CADM2: variants seen among roughly 807,000 people sequenced by gnomAD.
The protein encoded by CADM2 is immunoglobulin superfamily member 4D.
CADM2 carries 12 observed loss-of-function variants against 49.8 expected under a neutral mutation model. That is an observed-to-expected ratio of 0.24 (90% CI 0.15 to 0.39). The LOEUF (loss-of-function observed/expected upper bound fraction) is 0.39, where lower values mean the gene tolerates loss of function less well. Among genes scored for constraint, CADM2 ranks in the 10% least tolerant of loss-of-function variants. The pLI is 1.00. For synonymous variants in CADM2, 214 were observed against 175.4 expected (o/e 1.22, Z -1.74); for missense variants, 378 against 492.3 (o/e 0.77, Z 2.20).
At chr3:85,391,549 A>T (rs1054336321) in intron 1 of CADM2, among the ~76,000 whole-genome samples, 2 of 152,082 alleles carry the variant, frequency 1.3e-5, no homozygotes, top group Admixed American at 1.3e-4. Context: ...TTGCAAACTT[A>T]AAAACAACAA....
chr3:85,400,329 T>C (rs553431897), intron 1 of CADM2, among the ~76,000 whole-genome samples: 1 of 152,348 alleles, frequency 6.6e-6, no homozygotes, highest in African/African-American at 2.4e-5. Context: ...AGCTCTTTAA[T>C]GTGCTGCTGG....
rs573179918 is a variant in CADM2 at position 85,527,100 on chromosome 3, T to C, written c.62-199422T>C. 1.1e-4 allele frequency among the ~76,000 whole-genome samples: 17 copies of C among 152,240 alleles called. No homozygotes were observed. The South Asian group carries it at 3.5e-3, about 32-fold the overall frequency. On this transcript the variant is annotated intron_variant, in intron 1 of 9. Coordinates refer to ENST00000383699, the MANE Select transcript of CADM2 (RefSeq NM_001167675.2). ...TGTGCTAATTATATCTACAGTTCTA[T>C]AGAGGCCAGGCACGGTGTCTTACAC...
chr3:85,556,490 C>G (rs1484723156), intron 1 of CADM2, among the ~76,000 whole-genome samples: 2 of 152,192 alleles, frequency 1.3e-5, no homozygotes, highest in South Asian at 4.1e-4. Flanking sequence ...TCATAGTTTA[C>G]CTTAGATAAT....
intron 1 of CADM2, among the ~76,000 whole-genome samples, chr3:85,314,535 G>A (rs933506823): frequency 1.3e-5 from 2 of 151,444 alleles, no homozygotes; most frequent in Admixed American, 6.6e-5. Flanking sequence ...TTAAATCTCC[G>A]GTTATTATGG....
chr3:85,366,609 C>CT (rs1275876896), intron 1 of CADM2, among the ~76,000 whole-genome samples: 8 of 152,196 alleles, frequency 5.3e-5, no homozygotes, highest in African/African-American at 1.7e-4. Flanking sequence ...AAATAAGACT[C>CT]TAAGTGCTTG....
At chr3:85,596,047 A>C (rs1399287032) in intron 1 of CADM2, among the ~76,000 whole-genome samples, 1 of 151,922 alleles carries the variant, frequency 6.6e-6, no homozygotes, top group East Asian at 1.9e-4. Context: ...ATTAATTACT[A>C]TATGATTTAT....
intron 3 of CADM2, among the ~76,000 whole-genome samples, chr3:85,848,726 C>T (rs141442375): frequency 1.4e-4 from 22 of 152,026 alleles, no homozygotes; most frequent in African/African-American, 5.3e-4. Flanking sequence ...TTCCCTGAAC[C>T]CGAATTTAAG....
At chr3:85,434,344 T>G (rs1171659733) in intron 1 of CADM2, among the ~76,000 whole-genome samples, 3 of 151,958 alleles carry the variant, frequency 2.0e-5, no homozygotes, top group African/African-American at 7.2e-5. Context: ...CTTTTACATG[T>G]GAGAGCACCA....
At chr3:86,034,773 A>G (rs147268149) in intron 8 of CADM2, among the ~76,000 whole-genome samples, 1 of 152,196 alleles carries the variant, frequency 6.6e-6, no homozygotes, top group African/African-American at 2.4e-5. Context: ...AAACTCATTT[A>G]TGCTGCCCCA....
chr3:85,908,596 C>T lies in CADM2; in HGVS notation c.530-3777C>T, dbSNP rs141510039. ...AAATTTCTGACATATGCAAAGTAAG[C>T]ACAATAATAGAATGAGAAACTGCAT... On this transcript the variant is annotated intron_variant, in intron 5 of 9. Transcript: ENST00000383699. 3.7e-3 allele frequency among the ~76,000 whole-genome samples: 560 copies of T among 151,956 alleles called. 2 individuals are homozygous for T. Among genetic ancestry groups the T allele is most frequent in the African/African-American group, 0.013 (536 of 41,444 alleles).
At chr3:85,676,772 T>C (rs891437343) in intron 1 of CADM2, among the ~76,000 whole-genome samples, 2 of 152,166 alleles carry the variant, frequency 1.3e-5, no homozygotes, top group African/African-American at 4.8e-5. Flanking sequence ...ATCTTATCTC[T>C]CCATGTTAGA....
intron 1 of CADM2, among the ~76,000 whole-genome samples, chr3:85,568,433 T>C (rs200239870): frequency 0.042 from 825 of 19,704 alleles, 17 homozygotes; most frequent in East Asian, 0.11. Context: ...CTTTCTTTCT[T>C]TCTTTCTTTC....
intron 1 of CADM2, among the ~76,000 whole-genome samples, chr3:84,969,686 A>G (rs762000670): frequency 1.3e-4 from 20 of 152,066 alleles, no homozygotes; most frequent in Non-Finnish European, 2.8e-4. Context: ...TTTATATGTA[A>G]TACACAGGAA....
intron 1 of CADM2, among the ~76,000 whole-genome samples, chr3:85,089,012 A>G (rs1425943749): frequency 1.3e-5 from 2 of 152,082 alleles, no homozygotes; most frequent in Non-Finnish European, 2.9e-5. Context: ...TTTGCTGTTG[A>G]CTTTAAACAG....
intron 8 of CADM2, among the ~76,000 whole-genome samples, chr3:86,042,413 C>A (rs1224699011): frequency 1.3e-5 from 2 of 152,146 alleles, no homozygotes; most frequent in Non-Finnish European, 2.9e-5. Flanking sequence ...ACCGATCCCA[C>A]AGAAATACAA....
At chr3:85,511,302 G>A (rs934488781) in intron 1 of CADM2, among the ~76,000 whole-genome samples, 1 of 152,076 alleles carries the variant, frequency 6.6e-6, no homozygotes, top group African/African-American at 2.4e-5. Context: ...GGATAGAAGA[G>A]TAAAATGTGA....
chr3:85,807,262 G>A (rs889263530), intron 3 of CADM2, among the ~76,000 whole-genome samples: 1 of 152,154 alleles, frequency 6.6e-6, no homozygotes, highest in Non-Finnish European at 1.5e-5. Context: ...ACTTTGGGAG[G>A]CTGTGGCAGG....
intron 1 of CADM2, among the ~76,000 whole-genome samples, chr3:85,441,004 TTTA>T (rs1261036059): frequency 6.6e-6 from 1 of 152,042 alleles, no homozygotes; most frequent in African/African-American, 2.4e-5. Flanking sequence ...ATTTTATATC[TTTA>T]TAGGATCTTT....
chr3:85,854,701 C>A (rs1577481621), intron 3 of CADM2, among the ~76,000 whole-genome samples: 1 of 151,988 alleles, frequency 6.6e-6, no homozygotes, highest in Admixed American at 6.6e-5. Context: ...ATGGGTGCAG[C>A]AAACCATATA....
Sources: allele counts gnomAD v4.1 joint callset (sites outside exome capture counted in the v4.1 genomes callset), GRCh38; gene constraint gnomAD v4.1.1; transcripts MANE v1.5; gene names NCBI Gene and HGNC (gene_info 2026-07-23, HGNC 2026-07-21).